SCFD2: variants seen among roughly 807,000 people sequenced by gnomAD.
SCFD2 encodes sec1 family domain-containing protein 2.
A neutral mutation model predicts 58.9 loss-of-function variants in SCFD2; 54 were observed. The observed-to-expected ratio is 0.92, with a 90% CI of 0.74 to 1.15. The LOEUF is 1.15. Ranked by LOEUF, SCFD2 falls within the 50% of genes most tolerant of loss-of-function variation. SCFD2 has a pLI of 0.00. For synonymous variants in SCFD2, 321 were observed against 335.9 expected, an observed-to-expected ratio of 0.96 and a Z score of 0.49; for missense variants, 805 against 836.6, an observed-to-expected ratio of 0.96 and a Z score of 0.47.
In SCFD2 at chr4:53,102,876, C is replaced by G. The variant is rs534250987; in HGVS notation, c.1561+42457G>C. ...TGACAAATGTAAAACAATAAGGTAC[C>G]CAAATTCATTCATTACAACTCATTG... On this transcript the variant is annotated intron_variant, in intron 5 of 8. Transcript: ENST00000401642. Among the ~76,000 whole-genome samples, 8 of 143,180 alleles carry G rather than the reference C, an allele frequency of 5.6e-5. No homozygotes were observed. In the East Asian group the frequency reaches 1.6e-3, roughly 29 times the overall value. 93.9% of individuals were successfully genotyped at this position (143,180 alleles called of 152,430 possible).
At chr4:52,893,958 A>G (rs536303794) in intron 7 of SCFD2, among the ~76,000 whole-genome samples, 1 of 152,164 alleles carries the variant, frequency 6.6e-6, no homozygotes, top group Non-Finnish European at 1.5e-5. Flanking sequence ...CCTTTCTTTA[A>G]GTTATTGCAA....
At chr4:53,325,177 A>ATG (rs71662217) in intron 2 of SCFD2, among the ~76,000 whole-genome samples, 88,002 of 149,708 alleles carry the variant, frequency 0.59, 26,063 homozygotes, top group Middle Eastern at 0.66. Flanking sequence ...ATTACTACAG[A>ATG]TGTGTGTGTG....
At chr4:53,259,142 G>A (rs1055470158) in intron 4 of SCFD2, among the ~76,000 whole-genome samples, 2 of 152,192 alleles carry the variant, frequency 1.3e-5, no homozygotes, top group African/African-American at 4.8e-5. Context: ...TGTATAGATT[G>A]TAAAGATTTT....
At chr4:52,915,688 G>A (rs1000312020) in intron 6 of SCFD2, among the ~76,000 whole-genome samples, 1 of 152,150 alleles carries the variant, frequency 6.6e-6, no homozygotes, top group Non-Finnish European at 1.5e-5. Context: ...GGAAGGTGAA[G>A]CCCAAACACA....
chr4:53,051,272 T>C (rs1175053001), intron 5 of SCFD2, among the ~76,000 whole-genome samples: 1 of 152,210 alleles, frequency 6.6e-6, no homozygotes, highest in African/African-American at 2.4e-5. Flanking sequence ...AATTTTCTTC[T>C]TCTTGGTACT....
At chr4:53,311,659 C>T (rs182524921) in intron 3 of SCFD2, among the ~76,000 whole-genome samples, 15 of 148,568 alleles carry the variant, frequency 1.0e-4, no homozygotes, top group South Asian at 4.2e-4. Context: ...TTTTTTTAAA[C>T]GGTGTCTCAC....
chr4:53,317,105 T>A (rs1395667840), intron 2 of SCFD2, among the ~76,000 whole-genome samples: 1 of 140,030 alleles, frequency 7.1e-6, no homozygotes, highest in Non-Finnish European at 1.5e-5. Flanking sequence ...AGACTCCATG[T>A]CAAAAAAAAA....
chr4:52,904,982 G>C (rs187524097), intron 7 of SCFD2, among the ~76,000 whole-genome samples: 7 of 152,322 alleles, frequency 4.6e-5, no homozygotes, highest in Admixed American at 2.0e-4. Flanking sequence ...TACATTCTAA[G>C]GCTGTCATGA....
intron 3 of SCFD2, among the ~76,000 whole-genome samples, chr4:53,282,463 GC>G (rs1300647924): frequency 1.3e-5 from 2 of 151,846 alleles, no homozygotes; most frequent in Non-Finnish European, 2.9e-5. Flanking sequence ...ATATCCGAGG[GC>G]CCTTTTTAAA....
chr4:53,087,068 G>T (rs79187282), intron 5 of SCFD2, among the ~76,000 whole-genome samples: 2 of 152,024 alleles, frequency 1.3e-5, no homozygotes, highest in Admixed American at 1.3e-4. Flanking sequence ...CTTGAGGAGA[G>T]GAATATCCCA....
intron 5 of SCFD2, among the ~76,000 whole-genome samples, chr4:52,979,084 G>C (rs1171851298): frequency 6.7e-6 from 1 of 150,080 alleles, no homozygotes; most frequent in Non-Finnish European, 1.5e-5. Flanking sequence ...GAGTAGTTAA[G>C]AGCAAGATAA....
chr4:53,365,067 G>A lies in SCFD2; in HGVS notation c.838+37C>T, dbSNP rs116490089. 2,749 of 1,581,424 alleles carry A rather than the reference G, an allele frequency of 1.7e-3. 42 individuals are homozygous for A. In the African/African-American group the frequency reaches 0.034, roughly 20 times the overall value. ...ATCAATGAAAGTCCCAGCAATGTGG[G>A]GAATGGTAATGAAGAACTCCAGAGC... On this transcript the variant is annotated intron_variant, in intron 1 of 8. Transcript: ENST00000401642. This position sits in a 1 kb window ranked among gnomAD's most constrained non-coding sequence, Gnocchi z 4.3.
intron 7 of SCFD2, among the ~76,000 whole-genome samples, chr4:52,888,434 C>T (rs1718798416): frequency 6.6e-6 from 1 of 152,156 alleles, no homozygotes; most frequent in African/African-American, 2.4e-5. Context: ...ACCTCTGTTT[C>T]CCCCGACCAA....
At chr4:53,236,925 A>C (rs1729640514) in intron 4 of SCFD2, among the ~76,000 whole-genome samples, 2 of 151,484 alleles carry the variant, frequency 1.3e-5, no homozygotes, top group Admixed American at 1.3e-4. Flanking sequence ...TAGTGGAGGG[A>C]AGGTCAGTAG....
At chr4:52,955,701 T>G (rs931469871) in intron 5 of SCFD2, among the ~76,000 whole-genome samples, 1 of 152,140 alleles carries the variant, frequency 6.6e-6, no homozygotes, top group Admixed American at 6.5e-5. Flanking sequence ...AGGACATTCA[T>G]AAAAAGACCC....
chr4:53,301,048 G>A (rs1732264514), intron 3 of SCFD2, among the ~76,000 whole-genome samples: 1 of 152,134 alleles, frequency 6.6e-6, no homozygotes, highest in African/African-American at 2.4e-5. Flanking sequence ...AACTAGAGAA[G>A]CAAGAGCAAA....
chr4:52,951,696 G>A (rs192377452), intron 5 of SCFD2, among the ~76,000 whole-genome samples: 13 of 152,280 alleles, frequency 8.5e-5, no homozygotes, highest in African/African-American at 2.9e-4. Flanking sequence ...AGACCCTCCA[G>A]CTCAGCTCTT....
At chr4:53,096,867 A>C (rs1239983563) in intron 5 of SCFD2, among the ~76,000 whole-genome samples, 1 of 152,178 alleles carries the variant, frequency 6.6e-6, no homozygotes, top group African/African-American at 2.4e-5. Flanking sequence ...GTAAGTCTTT[A>C]ATCCATCTTG....
At chr4:52,908,421 A>G (rs1382453425) in intron 6 of SCFD2, among the ~76,000 whole-genome samples, 1 of 152,134 alleles carries the variant, frequency 6.6e-6, no homozygotes, top group Non-Finnish European at 1.5e-5. Context: ...CCAATCCTCC[A>G]GTCAGATATG....
Sources: gnomAD v4.1 joint callset for allele counts (sites outside exome capture counted in the v4.1 genomes callset) on GRCh38, gnomAD v4.1.1 for gene constraint, Gnocchi (gnomAD v3.1) non-coding constraint, MANE v1.5 for transcripts, NCBI Gene and HGNC (gene_info 2026-07-23, HGNC 2026-07-21) for gene names.